CHIC2: variants seen among roughly 807,000 people sequenced by gnomAD.
The protein encoded by CHIC2 is cysteine-rich hydrophobic domain-containing protein 2.
CHIC2 carries 14 observed loss-of-function variants against 25.9 expected under a neutral mutation model. That is an observed-to-expected ratio of 0.54 (90% CI 0.36 to 0.85). CHIC2 has a LOEUF of 0.85. Among genes scored for constraint, CHIC2 ranks in the 40% least tolerant of loss-of-function variants. The probability of loss-of-function intolerance (pLI) is 0.01; values close to 1 mark genes in which losing one functional copy is unlikely to be tolerated. For synonymous variants in CHIC2, 70 were observed against 72.0 expected (o/e 0.97, Z 0.14); for missense variants, 146 against 202.0 (o/e 0.72, Z 1.68).
chr4:54,025,347 T>C (rs1291678185), intron 3 of CHIC2, among the ~76,000 whole-genome samples: 1 of 152,122 alleles, frequency 6.6e-6, no homozygotes, highest in Non-Finnish European at 1.5e-5. Flanking sequence ...AGAATGTACT[T>C]TGTGAGATCC....
intron 1 of CHIC2, among the ~76,000 whole-genome samples, chr4:54,053,478 C>T (rs1717071651): frequency 6.6e-6 from 1 of 151,094 alleles, no homozygotes; most frequent in Non-Finnish European, 1.5e-5. Flanking sequence ...ATTGCTGGAA[C>T]CCGGAGGCGG....
chr4:54,043,233 A>G (rs1014136034), intron 3 of CHIC2, among the ~76,000 whole-genome samples: 1 of 152,078 alleles, frequency 6.6e-6, no homozygotes, highest in Non-Finnish European at 1.5e-5. Context: ...CATCCTGCCT[A>G]ACACAGTGAA....
At chr4:54,042,619 C>T (rs1198541740) in intron 3 of CHIC2, among the ~76,000 whole-genome samples, 1 of 151,994 alleles carries the variant, frequency 6.6e-6, no homozygotes, top group Non-Finnish European at 1.5e-5. Flanking sequence ...CCAAGAGAGA[C>T]ATAGCAGGCA....
At chr4:54,090,439 C>T in the CHIC2 span, among the ~76,000 whole-genome samples, 1 of 152,160 alleles carries the variant, frequency 6.6e-6, no homozygotes, top group Non-Finnish European at 1.5e-5. Flanking sequence ...CCTGCCTCGG[C>T]CTGCCAAAGT....
chr4:54,071,330 C>T, the CHIC2 span, among the ~76,000 whole-genome samples: 2 of 152,206 alleles, frequency 1.3e-5, no homozygotes, highest in African/African-American at 2.4e-5. Flanking sequence ...ATTAGGGATA[C>T]ACAACCTGTA....
intron 1 of CHIC2, among the ~76,000 whole-genome samples, chr4:54,056,113 T>A (rs892645992): frequency 1.3e-5 from 2 of 152,176 alleles, no homozygotes; most frequent in African/African-American, 4.8e-5. Context: ...CTTATAATAA[T>A]CTAGCATTAG....
At chr4:54,052,483 CAGTATTAGAA>C (rs1372156056) in intron 1 of CHIC2, among the ~76,000 whole-genome samples, 1 of 152,048 alleles carries the variant, frequency 6.6e-6, no homozygotes, top group Non-Finnish European at 1.5e-5. Flanking sequence ...TGGTTCAGCA[CAGTATTAGAA>C]AGGCCAAGTT....
chr4:54,046,128 C>A (rs1444631731), intron 3 of CHIC2, among the ~76,000 whole-genome samples: 8 of 152,186 alleles, frequency 5.3e-5, no homozygotes, highest in Middle Eastern at 3.4e-3. Context: ...GAACTACAAA[C>A]CACTGCTCAA....
the CHIC2 span, among the ~76,000 whole-genome samples, chr4:54,091,402 GCT>G: frequency 6.6e-5 from 10 of 152,230 alleles, no homozygotes; most frequent in African/African-American, 1.9e-4. Flanking sequence ...ACACACTCCT[GCT>G]CTCTCTACGC....
At chr4:54,042,116 A>C (rs1716596710) in intron 3 of CHIC2, among the ~76,000 whole-genome samples, 1 of 152,122 alleles carries the variant, frequency 6.6e-6, no homozygotes, top group East Asian at 1.9e-4. Flanking sequence ...ATGAAGTGTC[A>C]CTCTTACCAT....
chr4:54,040,598 G>A (rs1716540655), intron 3 of CHIC2, among the ~76,000 whole-genome samples: 1 of 151,614 alleles, frequency 6.6e-6, no homozygotes, highest in South Asian at 2.1e-4. Flanking sequence ...CTACTCCGGA[G>A]GCTGAGGCAA....
intron 4 of CHIC2, 23 bp from the exon 5 acceptor site, chr4:54,013,919 G>C (rs367713903): frequency 6.2e-7 from 1 of 1,611,580 alleles, no homozygotes; most frequent in South Asian, 1.1e-5. Flanking sequence ...GAAAGTAAAA[G>C]AAGAAAAATG....
intron 1 of CHIC2, among the ~76,000 whole-genome samples, chr4:54,053,814 A>G (rs898497881): frequency 2.0e-5 from 3 of 152,050 alleles, no homozygotes; most frequent in Non-Finnish European, 4.4e-5. Context: ...TTTTTGAGAC[A>G]GAGTCTCGCT....
chr4:54,048,683 A>T (rs1029173650), intron 3 of CHIC2: 4 of 230,584 alleles, frequency 1.7e-5, no homozygotes, highest in Non-Finnish European at 3.3e-5. Flanking sequence ...ATCCTTGATC[A>T]CTATACCACA....
chr4:54,058,462 C>T (rs1224583461), intron 1 of CHIC2, among the ~76,000 whole-genome samples: 1 of 151,790 alleles, frequency 6.6e-6, no homozygotes, highest in African/African-American at 2.4e-5. Flanking sequence ...GATAGAATCA[C>T]ATAACACTCC....
the CHIC2 span, chr4:54,076,699 A>G: frequency 6.6e-6 from 1 of 152,258 alleles, no homozygotes; most frequent in African/African-American, 2.4e-5. Flanking sequence ...TTGTCAGAGC[A>G]TTTCTTGTAA....
At position 54,045,044 on chromosome 4, in the gene CHIC2, T is replaced by C. The variant is rs1159923436; in HGVS notation, c.330+3911A>G. 2.0e-5 allele frequency among the ~76,000 whole-genome samples: 3 copies of C among 152,064 alleles called. No individual in the cohort carries two copies. The East Asian group carries it at 5.8e-4, about 29-fold the overall frequency. ...ACCTCTACGCAAATAAACTACAAAA[T>C]CCAGAAGAAATGGATAAATTCCTCG... On this transcript the variant is annotated intron_variant, in intron 3 of 5. Coordinates refer to ENST00000263921, the MANE Select transcript of CHIC2 (RefSeq NM_012110.4).
chr4:54,086,021 AT>A, the CHIC2 span, among the ~76,000 whole-genome samples: 1 of 152,140 alleles, frequency 6.6e-6, no homozygotes, highest in African/African-American at 2.4e-5. Context: ...TAGAGTCTTT[AT>A]AAACTGCAGT....
intron 3 of CHIC2, among the ~76,000 whole-genome samples, chr4:54,027,876 TAA>T (rs1716109772): frequency 2.0e-5 from 3 of 152,160 alleles, no homozygotes; most frequent in Non-Finnish European, 4.4e-5. Context: ...ACCTAATAAA[TAA>T]CTTTTCAAAG....
Sources: gnomAD v4.1 joint callset for allele counts (sites outside exome capture counted in the v4.1 genomes callset) on GRCh38, gnomAD v4.1.1 for gene constraint, MANE v1.5 for transcripts, NCBI Gene and HGNC (gene_info 2026-07-23, HGNC 2026-07-21) for gene names.